Variants in SCFD2 observed in about 807,000 individuals in gnomAD.
SCFD2 encodes the protein sec1 family domain-containing protein 2.
In SCFD2, 54 loss-of-function variants were observed where a neutral mutation model predicts 58.9. That is an observed-to-expected ratio of 0.92 (90% CI 0.74 to 1.15). SCFD2 has a LOEUF of 1.15. Among genes scored for constraint, SCFD2 ranks in the 50% most tolerant of loss-of-function variants. The pLI, the probability that SCFD2 is intolerant of heterozygous loss-of-function variation, is 0.00. For synonymous variants in SCFD2, 321 were observed against 335.9 expected (o/e 0.96, Z 0.49); for missense variants, 805 against 836.6 (o/e 0.96, Z 0.47).
At chr4:53,030,009 T>C (rs548751215) in intron 5 of SCFD2, among the ~76,000 whole-genome samples, 1 of 152,298 alleles carries the variant, frequency 6.6e-6, no homozygotes, top group Non-Finnish European at 1.5e-5. Context: ...AAACTTCTGA[T>C]CTATTAAAGA....
At chr4:53,341,134 C>T (rs1284147213) in intron 2 of SCFD2, among the ~76,000 whole-genome samples, 6 of 152,032 alleles carry the variant, frequency 3.9e-5, no homozygotes, top group Admixed American at 2.0e-4. Flanking sequence ...TGAGAGAAGG[C>T]GGCTTTAGAT....
chr4:53,263,387 G>C (rs1226863283), intron 4 of SCFD2, among the ~76,000 whole-genome samples: 4 of 152,108 alleles, frequency 2.6e-5, no homozygotes, highest in Non-Finnish European at 4.4e-5. Context: ...CTATGTCAGA[G>C]GGAAGATCTG....
chr4:53,256,914 G>T (rs1261335414), intron 4 of SCFD2, among the ~76,000 whole-genome samples: 1 of 127,772 alleles, frequency 7.8e-6, no homozygotes, highest in Non-Finnish European at 1.6e-5. Context: ...GGGGGACGGG[G>T]AGGGGGAGGG....
intron 5 of SCFD2, among the ~76,000 whole-genome samples, chr4:53,009,396 C>T (rs976158235): frequency 3.9e-5 from 6 of 152,114 alleles, no homozygotes; most frequent in African/African-American, 1.2e-4. Flanking sequence ...TTAAGAACAA[C>T]CTTTTGAGAT....
chr4:52,882,141 G>T (rs116016252), intron 8 of SCFD2, among the ~76,000 whole-genome samples: 4,888 of 152,266 alleles, frequency 0.032, 82 homozygotes, highest in South Asian at 0.044. Context: ...CTGCAACATC[G>T]TCAGGGGATT....
At chr4:53,278,090 G>A (rs1367096198) in intron 3 of SCFD2, among the ~76,000 whole-genome samples, 1 of 151,930 alleles carries the variant, frequency 6.6e-6, no homozygotes, top group Non-Finnish European at 1.5e-5. Flanking sequence ...GTCCTCGCCA[G>A]GCGCAGTGGC....
intron 5 of SCFD2, among the ~76,000 whole-genome samples, chr4:52,943,261 AAAAC>A (rs1019388650): frequency 1.4e-5 from 2 of 146,666 alleles, no homozygotes; most frequent in East Asian, 1.9e-4. Flanking sequence ...AAAACAAAAC[AAAAC>A]AAAAACCCTG....
At chr4:53,250,278 T>G (rs577343853) in intron 4 of SCFD2, among the ~76,000 whole-genome samples, 2 of 152,038 alleles carry the variant, frequency 1.3e-5, no homozygotes, top group Non-Finnish European at 2.9e-5. Context: ...GCACCCAATA[T>G]AGGAGCACCC....
chr4:53,350,895 A>G, intron 2 of SCFD2, among the ~76,000 whole-genome samples: 1 of 152,096 alleles, frequency 6.6e-6, no homozygotes. Context: ...TTTTTAGTAG[A>G]GACAGGGTTT....
intron 1 of SCFD2, among the ~76,000 whole-genome samples, chr4:53,363,024 G>C (rs1349326814): frequency 6.6e-6 from 1 of 152,222 alleles, no homozygotes; most frequent in Non-Finnish European, 1.5e-5. Flanking sequence ...AGAAAAGTGA[G>C]TATGGGGAAG....
At chr4:53,201,936 G>A (rs1728254919) in intron 4 of SCFD2, among the ~76,000 whole-genome samples, 1 of 152,268 alleles carries the variant, frequency 6.6e-6, no homozygotes, top group Middle Eastern at 3.4e-3. Flanking sequence ...CCCTTTGTCA[G>A]ATGAGTAGGT....
chr4:53,314,824 TTTA>T (rs1446642253), intron 2 of SCFD2, among the ~76,000 whole-genome samples: 1 of 152,294 alleles, frequency 6.6e-6, no homozygotes, highest in Non-Finnish European at 1.5e-5. Flanking sequence ...TTGAATAGTT[TTTA>T]TTATCATGTA....
chr4:52,927,426 C>G (rs1402953838), intron 5 of SCFD2, among the ~76,000 whole-genome samples: 1 of 152,090 alleles, frequency 6.6e-6, no homozygotes, highest in Admixed American at 6.6e-5. Flanking sequence ...AAGTTAAAGA[C>G]ACCTGCAGCA....
intron 3 of SCFD2, among the ~76,000 whole-genome samples, chr4:53,311,539 A>C (rs1282495186): frequency 6.6e-6 from 1 of 152,172 alleles, no homozygotes; most frequent in Non-Finnish European, 1.5e-5. Flanking sequence ...ATAGAAACTG[A>C]TTTATGCTCT....
intron 2 of SCFD2, among the ~76,000 whole-genome samples, chr4:53,320,068 A>G (rs549873131): frequency 2.1e-4 from 32 of 152,222 alleles, no homozygotes; most frequent in Admixed American, 1.0e-3. Context: ...GCATGACTAT[A>G]TTATCTCATT....
chr4:53,023,882 A>C (rs1350856734), intron 5 of SCFD2, among the ~76,000 whole-genome samples: 2 of 152,168 alleles, frequency 1.3e-5, no homozygotes, highest in Non-Finnish European at 2.9e-5. Context: ...TACTCTTACC[A>C]TGTGCAGTTA....
intron 5 of SCFD2, among the ~76,000 whole-genome samples, chr4:53,091,296 G>T (rs2148866381): frequency 6.6e-6 from 1 of 151,738 alleles, no homozygotes; most frequent in Non-Finnish European, 1.5e-5. Flanking sequence ...TTTCTAAGAT[G>T]GAAGAGAGCT....
intron 4 of SCFD2, among the ~76,000 whole-genome samples, chr4:53,236,691 AAAT>A (rs1729622444): frequency 6.6e-6 from 1 of 150,632 alleles, no homozygotes; most frequent in Non-Finnish European, 1.5e-5. Flanking sequence ...ACAGGTTTAA[AAAT>A]AAGCAAATAC....
At chr4:53,338,918 C>A (rs563521173) in intron 2 of SCFD2, among the ~76,000 whole-genome samples, 98 of 152,198 alleles carry the variant, frequency 6.4e-4, no homozygotes, top group African/African-American at 2.2e-3. Context: ...AGAGAAAAAA[C>A]TGCCAACCCA....
Sources: allele counts gnomAD v4.1 joint callset (sites outside exome capture counted in the v4.1 genomes callset), GRCh38; gene constraint gnomAD v4.1.1; transcripts MANE v1.5; gene names NCBI Gene and HGNC (gene_info 2026-07-23, HGNC 2026-07-21).